KLF8: variants seen among roughly 807,000 people sequenced by gnomAD.
KLF8 encodes the protein Krueppel-like factor 8.
Under a neutral mutation model 18.2 loss-of-function variants are expected in KLF8, and 10 were observed. The ratio of observed to expected loss-of-function variants is 0.55; its 90% confidence interval spans 0.34 to 0.93. KLF8 has a LOEUF of 0.93. Ranked by LOEUF, KLF8 falls within the 40% of genes least tolerant of loss-of-function variation. The pLI is 0.02. For missense variants in KLF8, 264 were observed against 277.9 expected (o/e 0.95, Z 0.36); for synonymous variants, 109 against 97.3 (o/e 1.12, Z -0.71).
chrX:56,270,203 G>A lies in KLF8; in HGVS notation c.780G>A (p.Met260Ile). The change falls in exon 5 of 6, where the codon ATG becomes ATA. Residue 260 changes from methionine (M) to isoleucine (I), a missense_variant. Met to Ile is a conservative substitution (Grantham distance 10). This residue lies in a region of KLF8 where 221 missense variants were observed against 193.6 expected (regional missense o/e 1.14). Coordinates refer to ENST00000468660, the MANE Select transcript of KLF8 (RefSeq NM_007250.5). ...TCAGACCAGCAGCAATGGCCCAAAT[G>A]CAGGGAGAAGAGTCGCTTGACTTGA... ...LQQEPAAMAQMQGEESLDLKR... is the reference protein window; with the variant it reads ...LQQEPAAMAQIQGEESLDLKR... 5.0e-6 allele frequency: 6 copies of A among 1,209,936 alleles called. No homozygotes were observed. The highest frequency in any genetic ancestry group is 6.7e-6 in the Non-Finnish European group (6 of 894,573).
the KLF8 span, among the ~76,000 whole-genome samples, chrX:55,943,313 A>G: frequency 9.0e-6 from 1 of 110,584 alleles, no homozygotes; most frequent in Non-Finnish European, 1.9e-5. Flanking sequence ...TAGGATAGAG[A>G]TGGTATTTAA....
At chrX:56,007,172 T>G in the KLF8 span, among the ~76,000 whole-genome samples, 2 of 111,945 alleles carry the variant, frequency 1.8e-5, no homozygotes, top group East Asian at 2.8e-4. Context: ...AGTATCTGGC[T>G]GCATTTATGG....
chrX:56,159,866 G>GT, the KLF8 span, among the ~76,000 whole-genome samples: 2 of 111,050 alleles, frequency 1.8e-5, no homozygotes, highest in Admixed American at 9.6e-5. Context: ...TTTTTGAAGG[G>GT]TTTTTTTATG....
chrX:56,174,618 G>T, the KLF8 span, among the ~76,000 whole-genome samples: 1 of 111,956 alleles, frequency 8.9e-6, no homozygotes, highest in African/African-American at 3.2e-5. Flanking sequence ...CATAAAATGA[G>T]TTAAGGAGGA....
chrX:56,078,871 G>C, the KLF8 span, among the ~76,000 whole-genome samples: 2 of 107,805 alleles, frequency 1.9e-5, no homozygotes, highest in African/African-American at 6.6e-5. Flanking sequence ...TTAGTCTTGG[G>C]AGAGTGTATG....
At chrX:56,222,031 C>G in the KLF8 span, among the ~76,000 whole-genome samples, 2 of 110,993 alleles carry the variant, frequency 1.8e-5, no homozygotes, top group Non-Finnish European at 3.8e-5. Context: ...TTCTCCACCT[C>G]CCCACTAGAT....
At chrX:56,200,761 A>G in the KLF8 span, among the ~76,000 whole-genome samples, 1 of 111,701 alleles carries the variant, frequency 9.0e-6, no homozygotes, top group African/African-American at 3.2e-5. Context: ...CTACAACTCA[A>G]CAGCAAAAAA....
the KLF8 span, among the ~76,000 whole-genome samples, chrX:55,919,311 T>C: frequency 1.8e-5 from 2 of 111,848 alleles, no homozygotes; most frequent in Non-Finnish European, 3.8e-5. Flanking sequence ...GGAGACTCAC[T>C]TCGTGAACTT....
At chrX:55,918,592 G>A in the KLF8 span, among the ~76,000 whole-genome samples, 1 of 112,421 alleles carries the variant, frequency 8.9e-6, no homozygotes, top group Admixed American at 9.4e-5. Context: ...TATTGGCAAG[G>A]CCATGCTCCA....
At chrX:56,011,988 G>T in the KLF8 span, among the ~76,000 whole-genome samples, 117 of 111,353 alleles carry the variant, frequency 1.1e-3, no homozygotes, top group East Asian at 0.016. Context: ...AAAATCCCAG[G>T]ACCAGACGGA....
the KLF8 span, among the ~76,000 whole-genome samples, chrX:56,164,986 A>G: frequency 1.3e-5 from 1 of 79,076 alleles, no homozygotes; most frequent in Non-Finnish European, 2.3e-5. Context: ...CCCACCTATG[A>G]GTGGGAATAT....
chrX:56,112,506 A>G, the KLF8 span, among the ~76,000 whole-genome samples: 2 of 111,809 alleles, frequency 1.8e-5, no homozygotes, highest in Non-Finnish European at 3.8e-5. Flanking sequence ...AAGAAAACAA[A>G]TTGGTATTTT....
the KLF8 span, among the ~76,000 whole-genome samples, chrX:56,091,294 G>T: frequency 1.8e-5 from 2 of 110,117 alleles, no homozygotes; most frequent in Non-Finnish European, 3.8e-5. Flanking sequence ...CTCACCTGCC[G>T]CCGTGTAAGA....
intron 1 of KLF8, 129 bp from the exon 2 acceptor site, chrX:56,250,102 G>A (rs756673658): frequency 2.2e-6 from 1 of 464,682 alleles, no homozygotes; most frequent in African/African-American, 2.5e-5. Context: ...AGGTTTCAAT[G>A]ACTTATCAGT....
At chrX:55,987,346 C>T in the KLF8 span, among the ~76,000 whole-genome samples, 4 of 110,354 alleles carry the variant, frequency 3.6e-5, no homozygotes, top group Non-Finnish European at 7.6e-5. Flanking sequence ...GCTATACCTC[C>T]CCCCTCCCCC....
the KLF8 span, among the ~76,000 whole-genome samples, chrX:56,198,860 C>A: frequency 9.0e-6 from 1 of 111,668 alleles, no homozygotes; most frequent in Non-Finnish European, 1.9e-5. Flanking sequence ...CTACAGTAAC[C>A]AAAACAGCAT....
chrX:56,122,682 T>A, the KLF8 span, among the ~76,000 whole-genome samples: 1 of 111,543 alleles, frequency 9.0e-6, no homozygotes, highest in Non-Finnish European at 1.9e-5. Context: ...CCTATTCACA[T>A]GATAAATTTC....
In KLF8 at chrX:56,290,965, ATTACT is replaced by A. The variant is rs1463641990; in HGVS notation, c.*6475_*6479del. 9.0e-6 allele frequency among the ~76,000 whole-genome samples: 1 copy of A among 111,331 alleles called. No individual in the cohort carries two copies. The highest frequency in any genetic ancestry group is 1.9e-5 in the Non-Finnish European group (1 of 53,027). ...GTCGCTACAAGTAGCTGTGTTGGAC[ATTACT>A]TTATAACTATGCTGTATGCCATGCT... is the stretch of plus-strand genomic sequence containing the variant. On this transcript the variant is annotated 3_prime_UTR_variant, in exon 6 of 6. Coordinates refer to ENST00000468660, the MANE Select transcript of KLF8 (RefSeq NM_007250.5).
the KLF8 span, among the ~76,000 whole-genome samples, chrX:56,110,253 GT>G: frequency 2.7e-5 from 3 of 110,612 alleles, no homozygotes; most frequent in East Asian, 2.8e-4. Flanking sequence ...AACTTAAAGT[GT>G]TTTTTTTATA....
Sources: gnomAD v4.1 joint callset for allele counts (sites outside exome capture counted in the v4.1 genomes callset) on GRCh38, gnomAD v4.1.1 for gene constraint, gnomAD v4.1.1 regional missense constraint, MANE v1.5 for transcripts, NCBI Gene and HGNC (gene_info 2026-07-23, HGNC 2026-07-21) for gene names.